The following NWD2 variants were observed in gnomAD, a reference collection of about 807,000 sequenced individuals.
The protein encoded by NWD2 is NACHT and WD repeat domain containing 2.
Under a neutral mutation model 132.7 loss-of-function variants are expected in NWD2, and 37 were observed. The observed-to-expected ratio is 0.28, with a 90% confidence interval of 0.21 to 0.37. The LOEUF (loss-of-function observed/expected upper bound fraction) is 0.37. Among genes scored for constraint, NWD2 ranks in the 10% least tolerant of loss-of-function variants. The probability of loss-of-function intolerance (pLI) is 1.00; values close to 1 mark genes in which losing one functional copy is unlikely to be tolerated. For synonymous variants in NWD2, 705 were observed against 803.0 expected (o/e 0.88, Z 2.06); for missense variants, 1,592 against 2,122.4 (o/e 0.75, Z 4.91).
In NWD2 at chr4:37,266,930, TTTAA is replaced by T. The variant is rs533369593; in HGVS notation, c.151+21717_151+21720del. 2.0e-4 allele frequency among the ~76,000 whole-genome samples: 31 copies of T among 152,136 alleles called. No individual in the cohort carries two copies. In the South Asian group the frequency reaches 5.6e-3, roughly 27 times the overall value. ...AAAAGATATCTCGAGGCAGCTCAAATTTAATTAAAATAGGTGCTAAAAATTCAGA... is the reference window on the plus strand; with the variant it reads ...AAAAGATATCTCGAGGCAGCTCAAATTTAAAATAGGTGCTAAAAATTCAGA... On this transcript the variant is annotated intron_variant, in intron 1 of 6. Coordinates refer to ENST00000309447, the MANE Select transcript of NWD2 (RefSeq NM_001144990.2).
chr4:37,294,344 A>T (rs985813497), intron 1 of NWD2, among the ~76,000 whole-genome samples: 92 of 152,310 alleles, frequency 6.0e-4, no homozygotes, highest in African/African-American at 2.0e-3. Context: ...GCCACAAGTT[A>T]GTGTGGAATT....
chr4:37,298,466 A>G (rs1289921875), intron 1 of NWD2, among the ~76,000 whole-genome samples: 2 of 152,312 alleles, frequency 1.3e-5, no homozygotes, highest in South Asian at 2.1e-4. Flanking sequence ...TCCATTTGAT[A>G]GCAGTCAGAG....
chr4:37,393,284 G>T (rs570734119), intron 3 of NWD2, among the ~76,000 whole-genome samples: 8 of 152,234 alleles, frequency 5.3e-5, no homozygotes, highest in Admixed American at 5.2e-4. Flanking sequence ...TCATCATTTT[G>T]TTGGGCCTTT....
At chr4:37,263,082 G>A (rs1337382695) in intron 1 of NWD2, among the ~76,000 whole-genome samples, 1 of 152,172 alleles carries the variant, frequency 6.6e-6, no homozygotes, top group African/African-American at 2.4e-5. Flanking sequence ...AATGTCACCT[G>A]TGGCATTTTG....
chr4:37,420,706 G>GA (rs1202667150), intron 3 of NWD2, among the ~76,000 whole-genome samples: 3 of 151,894 alleles, frequency 2.0e-5, no homozygotes, highest in Non-Finnish European at 4.4e-5. Flanking sequence ...TAAAAAGGAA[G>GA]AAAAAAGGCA....
At chr4:37,259,501 C>T (rs1717586866) in intron 1 of NWD2, among the ~76,000 whole-genome samples, 1 of 152,148 alleles carries the variant, frequency 6.6e-6, no homozygotes, top group African/African-American at 2.4e-5. Context: ...TGACCTGAGT[C>T]CTGGACATTC....
At chr4:37,255,798 C>T (rs1275918302) in intron 1 of NWD2, among the ~76,000 whole-genome samples, 1 of 152,032 alleles carries the variant, frequency 6.6e-6, no homozygotes, top group Non-Finnish European at 1.5e-5. Context: ...CCCTGAGTCC[C>T]AGAGGGTTGG....
chr4:37,306,143 T>C (rs566020889), intron 1 of NWD2, among the ~76,000 whole-genome samples: 2 of 152,250 alleles, frequency 1.3e-5, no homozygotes, highest in South Asian at 2.1e-4. Flanking sequence ...TTATGCATAA[T>C]AGTCTGTAAA....
At chr4:37,414,321 C>T (rs1347883985) in intron 3 of NWD2, among the ~76,000 whole-genome samples, 6 of 151,978 alleles carry the variant, frequency 3.9e-5, no homozygotes, top group Non-Finnish European at 7.4e-5. Flanking sequence ...ATGCTATTAT[C>T]TGTACTTTTG....
At chr4:37,366,322 G>A (rs1306927519) in intron 3 of NWD2, among the ~76,000 whole-genome samples, 4 of 152,040 alleles carry the variant, frequency 2.6e-5, no homozygotes, top group East Asian at 3.9e-4. Flanking sequence ...ACCGAGCCGC[G>A]GCCCAGTTCA....
At chr4:37,398,268 C>T (rs1720838518) in intron 3 of NWD2, among the ~76,000 whole-genome samples, 1 of 152,084 alleles carries the variant, frequency 6.6e-6, no homozygotes, top group Non-Finnish European at 1.5e-5. Flanking sequence ...TACTATGCAG[C>T]CATAAAAAAG....
intron 4 of NWD2, among the ~76,000 whole-genome samples, chr4:37,431,909 T>G (rs1049355064): frequency 6.6e-6 from 1 of 152,148 alleles, no homozygotes; most frequent in Non-Finnish European, 1.5e-5. Context: ...TTTTACTTAT[T>G]AATATTGGTA....
intron 3 of NWD2, among the ~76,000 whole-genome samples, chr4:37,357,617 G>C (rs561240807): frequency 6.6e-6 from 1 of 152,240 alleles, no homozygotes; most frequent in African/African-American, 2.4e-5. Flanking sequence ...CAGTTCCTTA[G>C]GATTCAACCT....
At chr4:37,286,900 T>C (rs1049405197) in intron 1 of NWD2, among the ~76,000 whole-genome samples, 4 of 151,790 alleles carry the variant, frequency 2.6e-5, no homozygotes, top group Non-Finnish European at 5.9e-5. Context: ...CTAGAAACAG[T>C]GGCAATCAGA....
intron 3 of NWD2, among the ~76,000 whole-genome samples, chr4:37,360,470 A>G (rs1719959506): frequency 6.6e-6 from 1 of 152,204 alleles, no homozygotes; most frequent in Admixed American, 6.6e-5. Context: ...CATATGGTAC[A>G]TATATATTTT....
At position 37,439,398 on chromosome 4, in the gene NWD2, C is replaced by T; in HGVS notation, c.1296+8C>T. 1 of 1,409,048 alleles carries T rather than the reference C, an allele frequency of 7.1e-7. No individual in the cohort carries two copies. Among genetic ancestry groups the T allele is most frequent in the Non-Finnish European group, 9.4e-7 (1 of 1,067,264 alleles). The allele number at this position is 1,409,048 out of a possible 1,614,324, so 87.3% of individuals were successfully genotyped here. ...GCTGAAGTAGCAAAGAAGGTAAAAGCCTATTCTTTCCCGTGTATATTTGTA... is the reference window on the plus strand; with the variant it reads ...GCTGAAGTAGCAAAGAAGGTAAAAGTCTATTCTTTCCCGTGTATATTTGTA... On this transcript the variant is annotated splice_region_variant and intron_variant, in intron 6 of 6. Transcript: ENST00000309447. The surrounding 1 kb of genome is among the most constrained non-coding windows in gnomAD (Gnocchi z 4.5).
At chr4:37,387,738 G>A (rs1208850899) in intron 3 of NWD2, among the ~76,000 whole-genome samples, 2 of 138,982 alleles carry the variant, frequency 1.4e-5, no homozygotes, top group African/African-American at 5.5e-5. Flanking sequence ...GCAATGGCGC[G>A]ATCTTGGCTC....
intron 3 of NWD2, among the ~76,000 whole-genome samples, chr4:37,409,474 G>A (rs11096874): frequency 0.14 from 20,872 of 151,838 alleles, 1,545 homozygotes; most frequent in East Asian, 0.29. Flanking sequence ...AAATAAAAAG[G>A]AATGAACAAA....
At chr4:37,432,380 AAAT>A (rs910847289) in intron 4 of NWD2, among the ~76,000 whole-genome samples, 2 of 149,960 alleles carry the variant, frequency 1.3e-5, no homozygotes, top group African/African-American at 5.0e-5. Flanking sequence ...AAAAAAAAAA[AAAT>A]CAAGAAAATT....
Sources: gnomAD v4.1 joint callset for allele counts (sites outside exome capture counted in the v4.1 genomes callset) on GRCh38, gnomAD v4.1.1 for gene constraint, Gnocchi (gnomAD v3.1) non-coding constraint, MANE v1.5 for transcripts, NCBI Gene and HGNC (gene_info 2026-07-23, HGNC 2026-07-21) for gene names.